ATP10A: variants seen among roughly 807,000 people sequenced by gnomAD.
The protein encoded by ATP10A is ATPase phospholipid transporting 10A (putative).
ATP10A carries 111 observed loss-of-function variants against 147.8 expected under a neutral mutation model. The observed-to-expected ratio is 0.75, with a 90% CI of 0.64 to 0.88. The LOEUF (loss-of-function observed/expected upper bound fraction) is 0.88. Among genes scored for constraint, ATP10A ranks in the 40% least tolerant of loss-of-function variants. The pLI, the probability that ATP10A is intolerant of heterozygous loss-of-function variation, is 0.00. For missense variants in ATP10A, 1,927 were observed against 1,959.0 expected, an observed-to-expected ratio of 0.98 and a Z score of 0.31; for synonymous variants, 875 against 841.6, an observed-to-expected ratio of 1.04 and a Z score of -0.69.
At chr15:25,817,689 G>C (rs1290523222) in intron 1 of ATP10A, among the ~76,000 whole-genome samples, 1 of 152,124 alleles carries the variant, frequency 6.6e-6, no homozygotes, top group East Asian at 1.9e-4. Flanking sequence ...TCATCACCAT[G>C]GTTCAAAAGA....
intron 7 of ATP10A, among the ~76,000 whole-genome samples, chr15:25,718,999 T>A (rs1192541907): frequency 6.6e-6 from 1 of 152,170 alleles, no homozygotes; most frequent in Non-Finnish European, 1.5e-5. Flanking sequence ...AAATTCCCCA[T>A]GACCTGGTGA....
intron 3 of ATP10A, among the ~76,000 whole-genome samples, chr15:25,728,478 A>G (rs1902725026): frequency 6.6e-6 from 1 of 152,154 alleles, no homozygotes; most frequent in African/African-American, 2.4e-5. Flanking sequence ...CGAGACGGCA[A>G]ACCACTTTGC....
intron 3 of ATP10A, among the ~76,000 whole-genome samples, chr15:25,732,661 T>A (rs977522782): frequency 2.5e-4 from 37 of 150,784 alleles, no homozygotes; most frequent in South Asian, 1.1e-3. Context: ...GTTCACGCCA[T>A]TCTCCTGCCT....
At chr15:25,813,666 A>G (rs922364137) in intron 1 of ATP10A, among the ~76,000 whole-genome samples, 5 of 152,330 alleles carry the variant, frequency 3.3e-5, no homozygotes, top group African/African-American at 9.6e-5. Flanking sequence ...AGTTACATAG[A>G]GACATGGAAT....
rs1899529427 is a variant in ATP10A, at chr15:25,683,351, T to C, written c.3427A>G (p.Arg1143Gly). 1 of 1,614,144 alleles carries C rather than the reference T, an allele frequency of 6.2e-7. No individual in the cohort carries two copies. Among genetic ancestry groups the C allele is most frequent in the Non-Finnish European group, 8.5e-7 (1 of 1,180,040 alleles). The change falls in exon 17 of 21, where the codon AGG (arginine) becomes GGG (glycine). Residue 1143 changes from arginine (R) to glycine (G), a missense_variant. Arg to Gly is a moderately radical substitution (Grantham distance 125). Coordinates refer to ENST00000555815, the MANE Select transcript of ATP10A (RefSeq NM_024490.4). ...LPPLVTGVLD[R>G]DVPANVLLTN... ...AGCAGCACATTGGCTGGCACATCCC[T>C]GTCCAGCACCCCAGTCACGAGCGGG...
intron 3 of ATP10A, among the ~76,000 whole-genome samples, chr15:25,733,135 C>T (rs1887044371): frequency 6.6e-6 from 1 of 152,186 alleles, no homozygotes. Flanking sequence ...AGAAGCAAAT[C>T]TGCCGGCATT....
chr15:25,704,207 T>G (rs1422202826), intron 12 of ATP10A, among the ~76,000 whole-genome samples: 2 of 151,282 alleles, frequency 1.3e-5, no homozygotes, highest in East Asian at 3.9e-4. Flanking sequence ...TGGTCTTGCC[T>G]TCCTCTGTGT....
intron 12 of ATP10A, among the ~76,000 whole-genome samples, chr15:25,706,688 C>G (rs989471326): frequency 2.6e-5 from 4 of 152,204 alleles, no homozygotes; most frequent in African/African-American, 9.6e-5. Flanking sequence ...GTCTGCATTA[C>G]TCCAGGGGGC....
intron 1 of ATP10A, among the ~76,000 whole-genome samples, chr15:25,813,987 A>G (rs1262036549): frequency 1.3e-5 from 2 of 152,152 alleles, no homozygotes; most frequent in Non-Finnish European, 2.9e-5. Flanking sequence ...ATAATGATCA[A>G]AATGTTTCCA....
intron 7 of ATP10A, 53 bp downstream of exon 7, chr15:25,721,604 A>C: frequency 6.4e-7 from 1 of 1,568,888 alleles, no homozygotes; most frequent in East Asian, 2.3e-5. Context: ...AATTCTGGAT[A>C]GGGCAGCTTT....
rs370931380 is a variant in ATP10A, at chr15:25,844,812, C to T, written c.449+17836G>A. On this transcript the variant is annotated intron_variant, in intron 1 of 20. Transcript: ENST00000555815. The stretch of plus-strand genomic sequence containing the variant: ...TGGGGACATGCTTAGCCCCTGTCTG[C>T]AAAATGAGACAAGGAGGGGCTGGCA... Among the ~76,000 whole-genome samples, 8 of 152,292 alleles carry T rather than the reference C, an allele frequency of 5.3e-5. No individual in the cohort carries two copies. In the East Asian group the frequency reaches 1.4e-3, roughly 26 times the overall value.
In ATP10A at chr15:25,769,560, G is replaced by A. The variant is rs528249564; in HGVS notation, c.654+11459C>T. ...ACCATCAGCTTCCTAGAACACTGCA[G>A]CCAGCCGGGGAAGTGGCCATCCTAC... On this transcript the variant is annotated intron_variant, in intron 2 of 20. Coordinates refer to ENST00000555815, the MANE Select transcript of ATP10A (RefSeq NM_024490.4). Among the ~76,000 whole-genome samples, 3 of 148,504 alleles carry A rather than the reference G, an allele frequency of 2.0e-5. No individual in the cohort carries two copies. In the East Asian group the frequency reaches 6.0e-4, roughly 30 times the overall value.
chr15:25,727,670 A>G (rs991672352), intron 3 of ATP10A, among the ~76,000 whole-genome samples: 2 of 152,230 alleles, frequency 1.3e-5, no homozygotes, highest in Admixed American at 1.3e-4. Context: ...AGTTGTCATA[A>G]AAATACAAAC....
chr15:25,709,993 GTAC>G (rs1208673268), intron 10 of ATP10A: 1 of 152,252 alleles, frequency 6.6e-6, no homozygotes, highest in Admixed American at 6.5e-5. Flanking sequence ...GAAGGAGAAT[GTAC>G]TGGGGAACAG....
Position 25,815,491 on chromosome 15 carries a change from G to A in ATP10A, c.450-34268C>T, listed in dbSNP as rs1044139343. On this transcript the variant is annotated intron_variant, in intron 1 of 20. Coordinates refer to ENST00000555815, the MANE Select transcript of ATP10A (RefSeq NM_024490.4). ...AGTGCATGGGCAGTCTATTTCATGG[G>A]GGTGTCGAGATGCCAACCAGTGATG... Among the ~76,000 whole-genome samples the A allele has an allele frequency of 2.0e-4, 30 of 152,364 alleles. 1 individual carries two copies. Among genetic ancestry groups the A allele is most frequent in the African/African-American group, 6.7e-4 (28 of 41,584 alleles).
intron 17 of ATP10A, among the ~76,000 whole-genome samples, chr15:25,682,921 C>T (rs968035595): frequency 1.3e-5 from 2 of 152,294 alleles, no homozygotes; most frequent in East Asian, 1.9e-4. Flanking sequence ...CTTTCAGTGG[C>T]TCAGTGGCTT....
At chr15:25,794,025 C>T (rs1440010645) in intron 1 of ATP10A, among the ~76,000 whole-genome samples, 2 of 152,190 alleles carry the variant, frequency 1.3e-5, no homozygotes, top group African/African-American at 2.4e-5. Context: ...AGGGTTTTGT[C>T]CAGGACACCA....
chr15:25,772,850 C>T (rs928703364), intron 2 of ATP10A, among the ~76,000 whole-genome samples: 1 of 152,138 alleles, frequency 6.6e-6, no homozygotes, highest in African/African-American at 2.4e-5. Context: ...GAACATAAGG[C>T]CTTCTGACAG....
Position 25,679,891 on chromosome 15 carries a change from C to A in ATP10A, c.3950G>T (p.Arg1317Ile), listed in dbSNP as rs1331018365. ...AAAGGTCTCTTTGGGAGCACTGCAT[C>A]TCCTGGGGGACTTCCTGGTCAACTG... The part of the protein sequence containing the change: ...ARQLTRKSPR[R>I]CSAPKETFAQ... The change falls in exon 21 of 21, where the codon AGA (arginine) becomes ATA (isoleucine). Residue 1317 changes from arginine (R) to isoleucine (I), a missense_variant. Coordinates refer to ENST00000555815, the MANE Select transcript of ATP10A (RefSeq NM_024490.4). 6.2e-7 allele frequency: 1 copy of A among 1,610,582 alleles called. No individual in the cohort carries two copies.
Sources: gnomAD v4.1 joint callset for allele counts (sites outside exome capture counted in the v4.1 genomes callset) on GRCh38, gnomAD v4.1.1 for gene constraint, MANE v1.5 for transcripts, NCBI Gene and HGNC (gene_info 2026-07-23, HGNC 2026-07-21) for gene names.